Variants in DYNC2I2 observed in about 807,000 individuals in gnomAD.
DYNC2I2 encodes the protein cytoplasmic dynein 2 intermediate chain 2.
Under a neutral mutation model 52.0 loss-of-function variants are expected in DYNC2I2, and 39 were observed. The ratio of observed to expected loss-of-function variants is 0.75; its 90% CI spans 0.58 to 0.98. DYNC2I2 has a LOEUF of 0.98. Ranked by LOEUF, DYNC2I2 falls within the 50% of genes least tolerant of loss-of-function variation. The pLI is 0.00. For synonymous variants in DYNC2I2, 359 were observed against 321.1 expected (o/e 1.12, Z -1.26); for missense variants, 743 against 728.4 (o/e 1.02, Z -0.23).
chr9:128,668,640 G>A, the DYNC2I2 span, among the ~76,000 whole-genome samples: 4 of 151,608 alleles, frequency 2.6e-5, no homozygotes, highest in African/African-American at 9.7e-5. Context: ...GGCCAACATG[G>A]GGAAATCCCA....
intron 1 of DYNC2I2, among the ~76,000 whole-genome samples, chr9:128,643,453 G>C (rs1289328373): frequency 6.6e-6 from 1 of 152,004 alleles, no homozygotes; most frequent in Non-Finnish European, 1.5e-5. Flanking sequence ...CTTGAACTTG[G>C]GGGGCGGAGG....
At chr9:128,644,674 C>T (rs555940475) in intron 1 of DYNC2I2, among the ~76,000 whole-genome samples, 4 of 152,304 alleles carry the variant, frequency 2.6e-5, no homozygotes, top group Non-Finnish European at 4.4e-5. Context: ...GGCCGCACCA[C>T]GTGTCACTGC....
chr9:128,635,876 C>T (rs1164654940), intron 4 of DYNC2I2, 109 bp from the exon 5 acceptor site: 10 of 1,034,410 alleles, frequency 9.7e-6, no homozygotes, highest in African/African-American at 9.5e-5. Flanking sequence ...GGCCAGGCGG[C>T]AGAGCCACTT....
chr9:128,670,692 C>T, the DYNC2I2 span, among the ~76,000 whole-genome samples: 2 of 151,078 alleles, frequency 1.3e-5, no homozygotes, highest in African/African-American at 4.9e-5. Flanking sequence ...GCCGAGATCA[C>T]ACCACTGCAC....
At chr9:128,668,242 A>T in the DYNC2I2 span, among the ~76,000 whole-genome samples, 1 of 134,680 alleles carries the variant, frequency 7.4e-6, no homozygotes, top group South Asian at 2.2e-4. Flanking sequence ...TACAGGCGTG[A>T]GCCACCACGC....
chr9:128,635,028 C>T, intron 6 of DYNC2I2, 64 bp downstream of exon 6: 1 of 1,583,138 alleles, frequency 6.3e-7, no homozygotes, highest in Non-Finnish European at 8.6e-7. Context: ...AGGCCCACTG[C>T]CACACCTTCC....
rs944222883 is a variant in DYNC2I2, at chr9:128,636,520, G to A, written c.546-82C>T. ...CCCCACCTCTCTCCCCACTAGCCCCGGACACACTCGCTGTGTCCTTGTCAC... is the reference window on the plus strand; with the variant it reads ...CCCCACCTCTCTCCCCACTAGCCCCAGACACACTCGCTGTGTCCTTGTCAC... On this transcript the variant is annotated intron_variant, in intron 3 of 8. Coordinates refer to ENST00000372715, the MANE Select transcript of DYNC2I2 (RefSeq NM_052844.4). 5.3e-5 allele frequency: 78 copies of A among 1,473,438 alleles called. No homozygotes were observed. The Admixed American group carries it at 9.2e-4, about 17-fold the overall frequency. The allele number at this position is 1,473,438 out of a possible 1,614,324, so 91.3% of individuals were successfully genotyped here. A position where few individuals can be genotyped will look rare whatever the true frequency, so the allele number is the denominator to read the frequency against.
At position 128,656,746 on chromosome 9, in the gene DYNC2I2, C is replaced by A. The variant is rs115636627; in HGVS notation, c.-20G>T. 5.6e-3 allele frequency: 7,513 copies of A among 1,350,986 alleles called. 372 individuals carry two copies. In the African/African-American group the frequency reaches 0.1, roughly 18 times the overall value. The allele number at this position is 1,350,986 out of a possible 1,614,324, so 83.7% of individuals were successfully genotyped here. A position where few individuals can be genotyped will look rare whatever the true frequency, so the allele number is the denominator to read the frequency against. ...TGCCATGGAGACGGTTCCGCCCTCT[C>A]GTGCGGACGCACTCAGGCGCGACCT... On this transcript the variant is annotated 5_prime_UTR_variant, in exon 1 of 9. Coordinates refer to ENST00000372715, the MANE Select transcript of DYNC2I2 (RefSeq NM_052844.4).
In DYNC2I2 at chr9:128,633,977, C is replaced by T. The variant is rs1345373973; in HGVS notation, c.1378G>A (p.Val460Met). 12 of 1,612,882 alleles carry T rather than the reference C, an allele frequency of 7.4e-6. No individual in the cohort carries two copies. The highest frequency in any genetic ancestry group is 1.7e-5 in the Admixed American group (1 of 60,010). ...CTTTTCTGGAGATCAAACAGCTGCA[C>T]GTCACCTGCAAAGAGAGACAGATAC... Reference protein sequence around the residue: ...VFAAASGKGDVQLFDLQKSSQ... With the variant: ...VFAAASGKGDMQLFDLQKSSQ... The change falls in exon 9 of 9, where the codon GTG (valine) becomes ATG (methionine). Residue 460 changes from valine (V) to methionine (M), a missense_variant. Physicochemically the swap from Val to Met is conservative, Grantham distance 21. Transcript: ENST00000372715.
chr9:128,668,028 C>T, the DYNC2I2 span, among the ~76,000 whole-genome samples: 7 of 110,322 alleles, frequency 6.3e-5, no homozygotes, highest in African/African-American at 1.3e-4. Context: ...TGGCACAATC[C>T]CAGCTCACTG....
In DYNC2I2 at chr9:128,656,753, A is replaced by T. The variant is rs1295503712; in HGVS notation, c.-27T>A. 3.0e-6 allele frequency: 4 copies of T among 1,341,000 alleles called. No homozygotes were observed. The highest frequency in any genetic ancestry group is 1.5e-5 in the African/African-American group (1 of 65,696). The allele number at this position is 1,341,000 out of a possible 1,614,324, so 83.1% of individuals were successfully genotyped here. A position where few individuals can be genotyped will look rare whatever the true frequency, so the allele number is the denominator to read the frequency against. On this transcript the variant is annotated 5_prime_UTR_variant, in exon 1 of 9. Transcript: ENST00000372715. Reference sequence around the variant, plus strand: ...GAGACGGTTCCGCCCTCTCGTGCGGACGCACTCAGGCGCGACCTCCGCCCC... The same window carrying T: ...GAGACGGTTCCGCCCTCTCGTGCGGTCGCACTCAGGCGCGACCTCCGCCCC...
In DYNC2I2 at chr9:128,635,187, G is replaced by C. The variant is rs754164153; in HGVS notation, c.886C>G (p.Leu296Val). 2.0e-5 allele frequency: 32 copies of C among 1,613,346 alleles called. No homozygotes were observed. Among genetic ancestry groups the C allele is most frequent in the Non-Finnish European group, 2.7e-5 (32 of 1,179,988 alleles). Reference sequence around the variant, plus strand: ...CCTACCCCGATGCCCTGCCAGAGTAGCACCTTCCCGTCGGTGGCCACACTC... The same window carrying C: ...CCTACCCCGATGCCCTGCCAGAGTACCACCTTCCCGTCGGTGGCCACACTC... ...VLSVATDGKVLLWQGIGVGQL... is the reference protein window; with the variant it reads ...VLSVATDGKVVLWQGIGVGQL... The change falls in exon 6 of 9, where the codon CTA (leucine) becomes GTA (valine). Residue 296 changes from leucine to valine, a missense_variant. Leu to Val is a conservative substitution (Grantham distance 32). Transcript: ENST00000372715.
chr9:128,654,103 C>A (rs753730036), intron 1 of DYNC2I2, among the ~76,000 whole-genome samples: 1 of 152,170 alleles, frequency 6.6e-6, no homozygotes, highest in African/African-American at 2.4e-5. Flanking sequence ...AATTGACCTG[C>A]GATAAGGATG....
At chr9:128,642,577 T>C (rs1385688454) in intron 1 of DYNC2I2, among the ~76,000 whole-genome samples, 1 of 151,526 alleles carries the variant, frequency 6.6e-6, no homozygotes. Context: ...GAGACCATCC[T>C]GGCTAATACG....
the DYNC2I2 span, among the ~76,000 whole-genome samples, chr9:128,676,995 C>A: frequency 4.6e-5 from 7 of 151,878 alleles, no homozygotes; most frequent in Non-Finnish European, 1.0e-4. Flanking sequence ...ACTACAGGCG[C>A]CTGCCACCAC....
chr9:128,683,279 CT>C, the DYNC2I2 span: 127 of 155,146 alleles, frequency 8.2e-4, no homozygotes, highest in East Asian at 7.9e-3. Context: ...TTTCTTTCTT[CT>C]TTTTTTTTTT....
At chr9:128,680,276 G>A in the DYNC2I2 span, among the ~76,000 whole-genome samples, 1 of 151,918 alleles carries the variant, frequency 6.6e-6, no homozygotes, top group Non-Finnish European at 1.5e-5. Context: ...GGCCTAGCTG[G>A]TCTCAAACTC....
the DYNC2I2 span, among the ~76,000 whole-genome samples, chr9:128,666,771 A>G: frequency 6.6e-6 from 1 of 151,826 alleles, no homozygotes; most frequent in Non-Finnish European, 1.5e-5. Context: ...AAAAAAAAAA[A>G]AAGAAGATAA....
chr9:128,635,512 G>A (rs1021081382), intron 5 of DYNC2I2, 146 bp downstream of exon 5: 17 of 830,236 alleles, frequency 2.0e-5, no homozygotes, highest in East Asian at 1.6e-4. Context: ...TGGCTCCTGA[G>A]GGGGGTGACT....
Sources: gnomAD v4.1 joint callset for allele counts (sites outside exome capture counted in the v4.1 genomes callset) on GRCh38, gnomAD v4.1.1 for gene constraint, MANE v1.5 for transcripts, NCBI Gene and HGNC (gene_info 2026-07-23, HGNC 2026-07-21) for gene names.